Variants in CASR observed in about 807,000 individuals in gnomAD.
CASR encodes the protein extracellular calcium-sensing receptor.
CASR carries 23 observed loss-of-function variants against 69.1 expected under a neutral mutation model. That is an observed-to-expected ratio of 0.33 (90% CI 0.24 to 0.47). The LOEUF (loss-of-function observed/expected upper bound fraction) is 0.47, where lower values mean the gene tolerates loss of function less well. Among genes scored for constraint, CASR ranks in the 20% least tolerant of loss-of-function variants. The pLI, the probability that CASR is intolerant of heterozygous loss-of-function variation, is 1.00. For missense variants in CASR, 924 were observed against 1,356.1 expected (o/e 0.68, Z 5.00); for synonymous variants, 541 against 544.7 (o/e 0.99, Z 0.10).
chr3:122,221,680 T>C (rs1053247261), intron 1 of CASR, among the ~76,000 whole-genome samples: 5 of 152,258 alleles, frequency 3.3e-5, no homozygotes, highest in Admixed American at 6.5e-5. Context: ...AGTACACCAG[T>C]GAACAATGAA....
At chr3:122,256,736 G>C (rs1185018451) in intron 2 of CASR, among the ~76,000 whole-genome samples, 1 of 152,126 alleles carries the variant, frequency 6.6e-6, no homozygotes, top group Non-Finnish European at 1.5e-5. Context: ...TCCTGCCTCA[G>C]CCTCCCCTGT....
chr3:122,201,200 C>G (rs569331496), intron 1 of CASR, among the ~76,000 whole-genome samples: 2 of 152,194 alleles, frequency 1.3e-5, no homozygotes, highest in East Asian at 3.9e-4. Flanking sequence ...GTGGTGACGA[C>G]TCCCAACGAG....
chr3:122,262,807 T>A (rs941616292), intron 4 of CASR, among the ~76,000 whole-genome samples: 1 of 152,218 alleles, frequency 6.6e-6, no homozygotes, highest in Non-Finnish European at 1.5e-5. Flanking sequence ...CTAAGTGGCA[T>A]AAAGCTAGTA....
At chr3:122,221,305 C>T (rs939993216) in intron 1 of CASR, among the ~76,000 whole-genome samples, 1 of 152,072 alleles carries the variant, frequency 6.6e-6, no homozygotes, top group Admixed American at 6.5e-5. Flanking sequence ...CTTGGAGAAC[C>T]ATCAATGCTC....
chr3:122,266,798 T>C (rs1188860633), intron 4 of CASR, among the ~76,000 whole-genome samples: 1 of 152,054 alleles, frequency 6.6e-6, no homozygotes, highest in Non-Finnish European at 1.5e-5. Context: ...AGGTCAGAAG[T>C]TCGAGACCAG....
At chr3:122,283,578 T>C (rs778619095) in intron 6 of CASR, 109 bp from the exon 7 acceptor site, 1 of 832,972 alleles carries the variant, frequency 1.2e-6, no homozygotes, top group Non-Finnish European at 2.1e-6. Context: ...ATGGAGAAAA[T>C]ATGTAGTGAC....
chr3:122,224,740 T>C (rs1471751745), intron 1 of CASR, among the ~76,000 whole-genome samples: 1 of 151,998 alleles, frequency 6.6e-6, no homozygotes, highest in Non-Finnish European at 1.5e-5. Context: ...GCCAAAATAA[T>C]CCTAAGCAAA....
chr3:122,240,684 C>T (rs1011335743), intron 1 of CASR, among the ~76,000 whole-genome samples: 1 of 152,144 alleles, frequency 6.6e-6, no homozygotes, highest in South Asian at 2.1e-4. Context: ...ACAAATGGAC[C>T]TAATAGATAT....
intron 1 of CASR, among the ~76,000 whole-genome samples, chr3:122,253,035 T>G (rs2074514760): frequency 6.6e-6 from 1 of 152,240 alleles, no homozygotes; most frequent in Non-Finnish European, 1.5e-5. Context: ...TGTTGATCTT[T>G]GTAAAACACA....
At chr3:122,185,518 A>G (rs1484474978) in intron 1 of CASR, among the ~76,000 whole-genome samples, 2 of 152,246 alleles carry the variant, frequency 1.3e-5, no homozygotes, top group Non-Finnish European at 2.9e-5. Flanking sequence ...TTCTAAACAC[A>G]CTTATCTTTC....
At chr3:122,184,305 G>T (rs1018265418) in intron 1 of CASR, 2 of 153,284 alleles carry the variant, frequency 1.3e-5, no homozygotes, top group Non-Finnish European at 2.9e-5. Context: ...CCGGGGCCGG[G>T]GCCGCAGCGG....
rs1272214393 is a variant in CASR, at chr3:122,291,474, T to A, written c.*6283T>A. The stretch of plus-strand genomic sequence containing the variant: ...GTGGTTTTGATTTGCATTTCTCTGA[T>A]GGCCAGTGATGATGAGCATTATAAA... On this transcript the variant is annotated 3_prime_UTR_variant, in exon 7 of 7. Coordinates refer to ENST00000639785, the MANE Select transcript of CASR (RefSeq NM_000388.4). 2 of 152,196 alleles carry A rather than the reference T, an allele frequency of 1.3e-5. No homozygotes were observed. Among genetic ancestry groups the A allele is most frequent in the African/African-American group, 4.8e-5 (2 of 41,452 alleles). 9.4% of individuals were successfully genotyped at this position (152,196 alleles called of 1,614,324 possible). A position where few individuals can be genotyped will look rare whatever the true frequency, so the allele number is the denominator to read the frequency against.
intron 1 of CASR, among the ~76,000 whole-genome samples, chr3:122,241,429 T>C (rs1576842802): frequency 6.6e-6 from 1 of 151,916 alleles, no homozygotes. Context: ...GGAAAACTTA[T>C]AAGAAATAGA....
chr3:122,242,466 A>G (rs1345135383), intron 1 of CASR, among the ~76,000 whole-genome samples: 1 of 152,166 alleles, frequency 6.6e-6, no homozygotes, highest in African/African-American at 2.4e-5. Context: ...TTAGGAATTA[A>G]TCAAAGAAGT....
At chr3:122,229,801 A>G (rs2074262686) in intron 1 of CASR, among the ~76,000 whole-genome samples, 1 of 152,200 alleles carries the variant, frequency 6.6e-6, no homozygotes, top group Admixed American at 6.5e-5. Flanking sequence ...GGTGGAAGCC[A>G]CAGTGAGCCA....
At chr3:122,230,806 G>A (rs2074271496) in intron 1 of CASR, among the ~76,000 whole-genome samples, 1 of 152,176 alleles carries the variant, frequency 6.6e-6, no homozygotes, top group Non-Finnish European at 1.5e-5. Flanking sequence ...CAGCTAGGTG[G>A]GGACTAGAAC....
chr3:122,280,917 C>T (rs9861533), intron 5 of CASR, among the ~76,000 whole-genome samples: 140,347 of 152,292 alleles, frequency 0.92, 64,974 homozygotes, highest in East Asian at 0.98. Context: ...CTCTCTACCT[C>T]TAAGATACAT....
intron 3 of CASR, among the ~76,000 whole-genome samples, chr3:122,258,454 G>A (rs1462014449): frequency 6.6e-6 from 1 of 150,734 alleles, no homozygotes; most frequent in African/African-American, 2.4e-5. Flanking sequence ...CTTACTTCAG[G>A]GAATTAAAGG....
At chr3:122,249,176 A>G (rs370247212) in intron 1 of CASR, among the ~76,000 whole-genome samples, 10 of 152,352 alleles carry the variant, frequency 6.6e-5, no homozygotes, top group African/African-American at 2.4e-4. Context: ...CTAGGCAACA[A>G]TGGTGAAGAA....
Sources: gnomAD v4.1 joint callset for allele counts (sites outside exome capture counted in the v4.1 genomes callset) on GRCh38, gnomAD v4.1.1 for gene constraint, MANE v1.5 for transcripts, NCBI Gene and HGNC (gene_info 2026-07-23, HGNC 2026-07-21) for gene names.